FAM227B: variants seen among roughly 807,000 people sequenced by gnomAD.
FAM227B encodes family with sequence similarity 227 member B, also known as protein FAM227B.
Under a neutral mutation model 73.8 loss-of-function variants are expected in FAM227B, and 88 were observed. That is an observed-to-expected ratio of 1.19 (90% CI 1.00 to 1.42). The LOEUF (loss-of-function observed/expected upper bound fraction) is 1.42, where lower values mean the gene tolerates loss of function less well. FAM227B is among the 40% of genes most tolerant of loss of function. The probability of loss-of-function intolerance (pLI) is 0.00; values close to 1 mark genes in which losing one functional copy is unlikely to be tolerated. For missense variants in FAM227B, 632 were observed against 590.9 expected (o/e 1.07, Z -0.72); for synonymous variants, 210 against 190.5 (o/e 1.10, Z -0.84).
chr15:49,328,267 G>A lies in FAM227B; in HGVS notation c.*301C>T. On this transcript the variant is annotated 3_prime_UTR_variant, in exon 16 of 16. Coordinates refer to ENST00000299338, the MANE Select transcript of FAM227B (RefSeq NM_152647.3). Reference sequence around the variant, plus strand: ...CTTCTGTTTTGTATTATGATGAACGGTTGCTATTATATCAAGATATATTTT... The same window carrying A: ...CTTCTGTTTTGTATTATGATGAACGATTGCTATTATATCAAGATATATTTT... 2 of 1,454,756 alleles carry A rather than the reference G, an allele frequency of 1.4e-6. No homozygotes were observed. Among genetic ancestry groups the A allele is most frequent in the Non-Finnish European group, 1.8e-6 (2 of 1,103,606 alleles). 90.1% of individuals were successfully genotyped at this position (1,454,756 alleles called of 1,614,324 possible).
intron 11 of FAM227B, among the ~76,000 whole-genome samples, chr15:49,431,980 A>T (rs547666611): frequency 1.2e-3 from 178 of 151,808 alleles, no homozygotes; most frequent in Non-Finnish European, 2.1e-3. Flanking sequence ...TATTACAGGT[A>T]TTACTCAAAT....
intron 10 of FAM227B, 59 bp downstream of exon 10, chr15:49,541,621 G>A (rs927719550): frequency 6.1e-6 from 8 of 1,316,194 alleles, no homozygotes; most frequent in Non-Finnish European, 7.8e-6. Context: ...ATAAAATACT[G>A]CAACCCCAAA....
chr15:49,589,754 G>T (rs918680574), intron 4 of FAM227B, 22 bp downstream of exon 4: 3 of 1,414,424 alleles, frequency 2.1e-6, no homozygotes, highest in Non-Finnish European at 3.0e-6. Flanking sequence ...TTCTATAAAA[G>T]ATAAAAATAA....
intron 11 of FAM227B, among the ~76,000 whole-genome samples, chr15:49,377,746 A>T (rs2046263362): frequency 6.6e-6 from 1 of 152,030 alleles, no homozygotes; most frequent in African/African-American, 2.4e-5. Flanking sequence ...CTCCTTATAT[A>T]CCCTGGTTAT....
At chr15:49,599,139 A>G (rs2077046122) in intron 3 of FAM227B, among the ~76,000 whole-genome samples, 1 of 151,974 alleles carries the variant, frequency 6.6e-6, no homozygotes, top group Non-Finnish European at 1.5e-5. Context: ...TGGTCTGTTC[A>G]GATTTTCTAT....
chr15:49,576,837 G>A lies in FAM227B; in HGVS notation c.450C>T (p.Ser150=). The A allele has an allele frequency of 6.2e-7, 1 of 1,606,794 alleles. No individual in the cohort carries two copies. The highest frequency in any genetic ancestry group is 8.5e-7 in the Non-Finnish European group (1 of 1,174,482). ...GTTCATTTGCTTTGAATCCTGTGAA[G>A]CTGCAACCCTAGAAAGAGGAAAATA... ...METEKNIEGC[S]FTGFKANELT... is the part of the protein sequence containing the mutation. The change falls in exon 7 of 16, where the codon AGC becomes AGT. Residue 150 remains serine (S), a synonymous_variant. Transcript: ENST00000299338.
intron 13 of FAM227B, among the ~76,000 whole-genome samples, chr15:49,357,526 A>G (rs1190569318): frequency 6.6e-6 from 1 of 152,108 alleles, no homozygotes; most frequent in Non-Finnish European, 1.5e-5. Flanking sequence ...CACTCTCCCA[A>G]GACTAAACCA....
chr15:49,598,711 T>C (rs1417798166), intron 3 of FAM227B, among the ~76,000 whole-genome samples: 2 of 152,064 alleles, frequency 1.3e-5, no homozygotes, highest in East Asian at 3.8e-4. Flanking sequence ...GAGCTGATAA[T>C]AATTTTATTC....
intron 10 of FAM227B, among the ~76,000 whole-genome samples, chr15:49,536,298 A>G (rs185861867): frequency 6.6e-6 from 1 of 151,802 alleles, no homozygotes; most frequent in East Asian, 1.9e-4. Flanking sequence ...CTATCCAAAA[A>G]AGATATTTAA....
intron 9 of FAM227B, among the ~76,000 whole-genome samples, chr15:49,558,503 A>C (rs1025525870): frequency 3.3e-5 from 5 of 151,964 alleles, no homozygotes; most frequent in African/African-American, 1.2e-4. Flanking sequence ...AGCCACCCTT[A>C]CCCTACTTGA....
intron 9 of FAM227B, among the ~76,000 whole-genome samples, chr15:49,559,083 C>T (rs62021584): frequency 0.32 from 49,177 of 151,748 alleles, 8,664 homozygotes; most frequent in African/African-American, 0.45. Context: ...TGGCTCTCAA[C>T]CTCACTGTAG....
At chr15:49,598,589 T>C (rs1328732067) in intron 3 of FAM227B, among the ~76,000 whole-genome samples, 2 of 152,014 alleles carry the variant, frequency 1.3e-5, no homozygotes, top group East Asian at 1.9e-4. Flanking sequence ...TGGGCTTTCA[T>C]ATACGGTCCT....
At position 49,594,212 on chromosome 15, in the gene FAM227B, A is replaced by G. The variant is rs150391779; in HGVS notation, c.106-4205T>C. On this transcript the variant is annotated intron_variant, in intron 3 of 15. Coordinates refer to ENST00000299338, the MANE Select transcript of FAM227B (RefSeq NM_152647.3). The stretch of plus-strand genomic sequence containing the variant: ...CATTTTTTTCACAGGTTTTTTGGCC[A>G]TTTGTATATCTTCTTTTGAGAATTG... 8.6e-3 allele frequency among the ~76,000 whole-genome samples: 1,311 copies of G among 151,940 alleles called. 29 individuals are homozygous for G. The highest frequency in any genetic ancestry group is 0.072 in the South Asian group (345 of 4,816).
At chr15:49,452,811 C>G (rs1444653648) in intron 11 of FAM227B, among the ~76,000 whole-genome samples, 1 of 152,062 alleles carries the variant, frequency 6.6e-6, no homozygotes, top group Non-Finnish European at 1.5e-5. Flanking sequence ...GCACAGGGTG[C>G]AGGATAATAT....
At chr15:49,610,490 A>G (rs554962983) in intron 3 of FAM227B, among the ~76,000 whole-genome samples, 1 of 151,764 alleles carries the variant, frequency 6.6e-6, no homozygotes, top group Non-Finnish European at 1.5e-5. Flanking sequence ...AAAAGTAGAT[A>G]TTTCTGAAAC....
intron 11 of FAM227B, among the ~76,000 whole-genome samples, chr15:49,504,424 A>AT (rs1290971588): frequency 6.7e-5 from 5 of 74,622 alleles, no homozygotes; most frequent in East Asian, 1.3e-3. Context: ...TTAAAGTATA[A>AT]TAAAAAAAAA....
At chr15:49,391,561 T>C (rs1424051883) in intron 11 of FAM227B, among the ~76,000 whole-genome samples, 1 of 152,120 alleles carries the variant, frequency 6.6e-6, no homozygotes, top group Admixed American at 6.6e-5. Flanking sequence ...TGCTCTTCTT[T>C]GTTCTAAATT....
chr15:49,560,802 T>C (rs2152334128), intron 9 of FAM227B, among the ~76,000 whole-genome samples: 1 of 152,104 alleles, frequency 6.6e-6, no homozygotes, highest in East Asian at 1.9e-4. Flanking sequence ...AAGGGAGAAA[T>C]AGAAAATTTT....
chr15:49,540,032 C>A (rs2070837421), intron 10 of FAM227B, among the ~76,000 whole-genome samples: 1 of 152,106 alleles, frequency 6.6e-6, no homozygotes, highest in Non-Finnish European at 1.5e-5. Context: ...CCCTGGGTAG[C>A]ACAACAGTGG....
Sources: gnomAD v4.1 joint callset for allele counts (sites outside exome capture counted in the v4.1 genomes callset) on GRCh38, gnomAD v4.1.1 for gene constraint, MANE v1.5 for transcripts, NCBI Gene and HGNC (gene_info 2026-07-23, HGNC 2026-07-21) for gene names.